The following KLHL25 variants were observed in gnomAD, a reference collection of about 807,000 sequenced individuals.
KLHL25 encodes the protein kelch like family member 25.
In KLHL25, 41 loss-of-function variants were observed where a neutral mutation model predicts 30.0. That is an observed-to-expected ratio of 1.37 (90% CI 1.07 to 1.78). The LOEUF is 1.78. KLHL25 is among the 40% of genes most tolerant of loss of function. The pLI is 0.00. For synonymous variants in KLHL25, 399 were observed against 355.3 expected (o/e 1.12, Z -1.38); for missense variants, 971 against 824.5 (o/e 1.18, Z -2.18).
chr15:85,786,054 CAGG>C lies in KLHL25; in HGVS notation c.-11+8709_-11+8711del, dbSNP rs1177138262. Among the ~76,000 whole-genome samples, 14 of 141,242 alleles carry C rather than the reference CAGG, an allele frequency of 9.9e-5. No homozygotes were observed. In the Admixed American group the frequency reaches 1.1e-3, roughly 11 times the overall value. 92.7% of individuals were successfully genotyped at this position (141,242 alleles called of 152,430 possible). On this transcript the variant is annotated intron_variant, in intron 1 of 2. Coordinates refer to ENST00000337975, the MANE Select transcript of KLHL25 (RefSeq NM_022480.4). ...TAATGAAACACCCAACTCTCAGAAT[CAGG>C]AGGTGTCTAATAAACGCAAAAACTG...
At chr15:85,772,775 C>T (rs1349213244) in intron 1 of KLHL25, among the ~76,000 whole-genome samples, 2 of 152,232 alleles carry the variant, frequency 1.3e-5, no homozygotes, top group South Asian at 2.1e-4. Context: ...CAACAGTGAG[C>T]GGCAACCCAG....
chr15:85,773,503 G>A (rs1330132092), intron 1 of KLHL25, among the ~76,000 whole-genome samples: 2 of 152,236 alleles, frequency 1.3e-5, no homozygotes, highest in African/African-American at 2.4e-5. Flanking sequence ...CCTGCCTCCA[G>A]GCAGCTCAGC....
rs1567238436 is a variant in KLHL25, at chr15:85,768,626, T to C, written c.1185A>G (p.Gly395=). Residue 395 remains glycine (G), a synonymous_variant, in exon 2 of 3, where the codon GGA becomes GGG. Transcript: ENST00000337975. ...ELENCLYVVG[G]HTSLAGVFPA... ...GGAAGACCCCTGCCAGGGATGTGTG[T>C]CCCCCCACCACATAGAGGCAGTTCT... The C allele has an allele frequency of 6.2e-7, 1 of 1,612,074 alleles. No homozygotes were observed. The highest frequency in any genetic ancestry group is 1.7e-5 in the Admixed American group (1 of 59,966).
chr15:85,785,497 A>G (rs2089775352), intron 1 of KLHL25, among the ~76,000 whole-genome samples: 1 of 151,858 alleles, frequency 6.6e-6, no homozygotes, highest in South Asian at 2.1e-4. Flanking sequence ...TCAGAACTAC[A>G]TTGCTTACAG....
intron 1 of KLHL25, among the ~76,000 whole-genome samples, chr15:85,776,925 A>T (rs1035650614): frequency 1.2e-4 from 13 of 111,198 alleles, no homozygotes; most frequent in Non-Finnish European, 2.3e-4. Flanking sequence ...ACTCCATCTC[A>T]AAAAAAATAA....
At chr15:85,772,644 G>A (rs1204669626) in intron 1 of KLHL25, among the ~76,000 whole-genome samples, 1 of 152,224 alleles carries the variant, frequency 6.6e-6, no homozygotes, top group Admixed American at 6.5e-5. Context: ...TCCCTTTGGA[G>A]GGGGTTATGG....
intron 1 of KLHL25, among the ~76,000 whole-genome samples, chr15:85,775,606 T>C (rs2089704320): frequency 6.6e-6 from 1 of 152,082 alleles, no homozygotes; most frequent in Non-Finnish European, 1.5e-5. Context: ...CGCCACATTC[T>C]TGGAACTTGG....
rs1195290382 is a variant in KLHL25, at chr15:85,760,017, G to C, written c.*1019C>G. ...GTTCTCTCGGGGCCATTCTTATCTT[G>C]GAGCTCAGGGAGCAAATGGGGGCCA... On this transcript the variant is annotated 3_prime_UTR_variant, in exon 3 of 3. Coordinates refer to ENST00000337975, the MANE Select transcript of KLHL25 (RefSeq NM_022480.4). 6.6e-6 allele frequency: 1 copy of C among 152,270 alleles called. No individual in the cohort carries two copies. Among genetic ancestry groups the C allele is most frequent in the East Asian group, 1.9e-4 (1 of 5,202 alleles). The allele number at this position is 152,270 out of a possible 1,614,324, so 9.4% of individuals were successfully genotyped here. A position where few individuals can be genotyped will look rare whatever the true frequency, so the allele number is the denominator to read the frequency against.
chr15:85,777,185 C>G (rs899089553), intron 1 of KLHL25, among the ~76,000 whole-genome samples: 11 of 152,220 alleles, frequency 7.2e-5, no homozygotes, highest in African/African-American at 4.8e-5. Context: ...TCAGACAATG[C>G]TTGGTAATAA....
intron 1 of KLHL25, among the ~76,000 whole-genome samples, chr15:85,773,164 C>T (rs1049014248): frequency 5.9e-5 from 9 of 152,238 alleles, no homozygotes; most frequent in African/African-American, 2.2e-4. Flanking sequence ...AGGCAGGGAC[C>T]ATGTGTGGGG....
At chr15:85,767,672 T>C (rs564286985) in intron 2 of KLHL25, among the ~76,000 whole-genome samples, 1 of 152,344 alleles carries the variant, frequency 6.6e-6, no homozygotes, top group East Asian at 1.9e-4. Context: ...AAGAGCAGGC[T>C]TGTGTGGAGA....
intron 1 of KLHL25, among the ~76,000 whole-genome samples, chr15:85,777,537 G>A (rs1257608616): frequency 6.6e-6 from 1 of 152,242 alleles, no homozygotes; most frequent in African/African-American, 2.4e-5. Context: ...CGATGTTTCA[G>A]TGCCTTCTCC....
intron 1 of KLHL25, among the ~76,000 whole-genome samples, chr15:85,773,620 T>C (rs2151809017): frequency 6.6e-6 from 1 of 152,106 alleles, no homozygotes; most frequent in Middle Eastern, 3.4e-3. Context: ...TGAGCTAGTG[T>C]CATCCTCCGA....
At chr15:85,786,001 C>G (rs1020532935) in intron 1 of KLHL25, among the ~76,000 whole-genome samples, 27 of 147,346 alleles carry the variant, frequency 1.8e-4, no homozygotes, top group African/African-American at 6.8e-4. Context: ...AAAACCAGCT[C>G]TAGAGTGAGA....
chr15:85,794,623 C>A (rs920167993), intron 1 of KLHL25, 143 bp downstream of exon 1: 1 of 152,092 alleles, frequency 6.6e-6, no homozygotes, highest in African/African-American at 2.4e-5. Context: ...AGCCGCGGGG[C>A]CCCCTCCCGG....
In KLHL25 at chr15:85,759,743, C is replaced by G. The variant is rs1425135574; in HGVS notation, c.*1293G>C. The G allele has an allele frequency of 1.3e-5, 2 of 152,300 alleles. No homozygotes were observed. Among genetic ancestry groups the G allele is most frequent in the African/African-American group, 4.8e-5 (2 of 41,472 alleles). The allele number at this position is 152,300 out of a possible 1,614,324, so 9.4% of individuals were successfully genotyped here. A position where few individuals can be genotyped will look rare whatever the true frequency, so the allele number is the denominator to read the frequency against. On this transcript the variant is annotated 3_prime_UTR_variant, in exon 3 of 3. Coordinates refer to ENST00000337975, the MANE Select transcript of KLHL25 (RefSeq NM_022480.4). ...GGTATGTGCACAGCCCCCTCCGCGG[C>G]CCTAATCTTGAGCCAGCCAAGCAGT...
chr15:85,782,764 G>C (rs1044990833), intron 1 of KLHL25, among the ~76,000 whole-genome samples: 3 of 152,156 alleles, frequency 2.0e-5, no homozygotes, highest in Admixed American at 6.6e-5. Flanking sequence ...TTGTCTCCTA[G>C]AATGAACGTT....
At chr15:85,784,035 T>C (rs2089762746) in intron 1 of KLHL25, among the ~76,000 whole-genome samples, 1 of 152,178 alleles carries the variant, frequency 6.6e-6, no homozygotes, top group African/African-American at 2.4e-5. Flanking sequence ...TTTTGCTTGA[T>C]TCATGACAGC....
At position 85,768,624 on chromosome 15, in the gene KLHL25, T is replaced by C. The variant is rs1272399824; in HGVS notation, c.1187A>G (p.His396Arg). 3.1e-6 allele frequency: 5 copies of C among 1,612,378 alleles called. No individual in the cohort carries two copies. Among genetic ancestry groups the C allele is most frequent in the Non-Finnish European group, 3.4e-6 (4 of 1,178,892 alleles). Residue 396 changes from histidine to arginine, a missense_variant, in exon 2 of 3, where the codon CAC (histidine) becomes CGC (arginine). By Grantham distance (29) the His-to-Arg change is conservative. Transcript: ENST00000337975. ...CGGGAAGACCCCTGCCAGGGATGTG[T>C]GTCCCCCCACCACATAGAGGCAGTT... ...LENCLYVVGG[H>R]TSLAGVFPAS...
Sources: allele counts gnomAD v4.1 joint callset (sites outside exome capture counted in the v4.1 genomes callset), GRCh38; gene constraint gnomAD v4.1.1; transcripts MANE v1.5; gene names NCBI Gene and HGNC (gene_info 2026-07-23, HGNC 2026-07-21).